The following DNAAF4 variants were observed in gnomAD, a reference collection of about 807,000 sequenced individuals.
The protein encoded by DNAAF4 is dynein assembly factor 4, axonemal.
In DNAAF4, 43 loss-of-function variants were observed where a neutral mutation model predicts 51.8. The ratio of observed to expected loss-of-function variants is 0.83; its 90% CI spans 0.65 to 1.07. DNAAF4 has a LOEUF of 1.07. DNAAF4 is among the 50% of genes least tolerant of loss of function. The probability of loss-of-function intolerance (pLI) is 0.00; values close to 1 mark genes in which losing one functional copy is unlikely to be tolerated. For missense variants in DNAAF4, 581 were observed against 493.0 expected (o/e 1.18, Z -1.69); for synonymous variants, 194 against 165.6 (o/e 1.17, Z -1.32).
At chr15:55,473,277 A>G (rs1256525777) in intron 4 of DNAAF4, among the ~76,000 whole-genome samples, 7 of 140,012 alleles carry the variant, frequency 5.0e-5, no homozygotes, top group African/African-American at 1.9e-4. Context: ...ATATGTGTAT[A>G]TATATGTGTA....
Position 55,434,886 on chromosome 15 carries a change from C to A in DNAAF4, c.1047+19G>T. ...AGGATATATTTAAAGCACCATATAT[C>A]ATACATAGATATCCATACCTTAGAA... On this transcript the variant is annotated intron_variant, in intron 8 of 9. Coordinates refer to ENST00000321149, the MANE Select transcript of DNAAF4 (RefSeq NM_130810.4). The A allele has an allele frequency of 6.3e-7, 1 of 1,582,926 alleles. No individual in the cohort carries two copies. Among genetic ancestry groups the A allele is most frequent in the South Asian group, 1.2e-5 (1 of 85,540 alleles).
At chr15:55,422,312 G>C (rs969509668) in intron 7 of DNAAF4, among the ~76,000 whole-genome samples, 1 of 152,144 alleles carries the variant, frequency 6.6e-6, no homozygotes, top group African/African-American at 2.4e-5. Context: ...AACATCTGAG[G>C]AAAGTCAAGT....
rs1322589012 is a variant in DNAAF4, at chr15:55,473,317, ATGTG to A, written c.406-6160_406-6157del. On this transcript the variant is annotated intron_variant, in intron 4 of 9. Transcript: ENST00000321149. ...TATGTGTATATATATGTGTGTATAT[ATGTG>A]TGTATATATATGTGTGTATATATAT... is the stretch of plus-strand genomic sequence containing the variant. Among the ~76,000 whole-genome samples the A allele has an allele frequency of 9.7e-3, 1,356 of 140,200 alleles. 24 individuals are homozygous for A. The highest frequency in any genetic ancestry group is 0.013 in the South Asian group (60 of 4,480). The allele number at this position is 140,200 out of a possible 152,430, so 92.0% of individuals were successfully genotyped here.
intron 4 of DNAAF4, among the ~76,000 whole-genome samples, chr15:55,486,904 C>G (rs2058497507): frequency 6.6e-6 from 1 of 152,116 alleles, no homozygotes; most frequent in Non-Finnish European, 1.5e-5. Context: ...TACTGGCTTC[C>G]TTCCTCAACA....
intron 7 of DNAAF4, among the ~76,000 whole-genome samples, chr15:55,419,868 G>A (rs778185742): frequency 3.0e-4 from 45 of 152,148 alleles, no homozygotes; most frequent in Non-Finnish European, 5.6e-4. Context: ...TGGGCATGGC[G>A]GCGGGTGCCT....
At chr15:55,441,104 C>T (rs1459412123) in intron 6 of DNAAF4, among the ~76,000 whole-genome samples, 1 of 151,976 alleles carries the variant, frequency 6.6e-6, no homozygotes, top group Non-Finnish European at 1.5e-5. Flanking sequence ...GACAGTCGCA[C>T]TCTGTCCCCC....
In DNAAF4 at chr15:55,473,198, A is replaced by AAATAT. The variant is rs1209754897; in HGVS notation, c.406-6038_406-6037insATATT. Among the ~76,000 whole-genome samples the AAATAT allele has an allele frequency of 3.2e-4, 24 of 75,742 alleles. 2 individuals are homozygous for AAATAT. The highest frequency in any genetic ancestry group is 1.1e-3 in the African/African-American group (21 of 18,678). The allele number at this position is 75,742 out of a possible 152,430, so 49.7% of individuals were successfully genotyped here. A position where few individuals can be genotyped will look rare whatever the true frequency, so the allele number is the denominator to read the frequency against. ...ACAAAAAAAAAACCTAAAAAAAAAA[A>AAATAT]ATATATATATATATATATATATATG... On this transcript the variant is annotated intron_variant, in intron 4 of 9. Coordinates refer to ENST00000321149, the MANE Select transcript of DNAAF4 (RefSeq NM_130810.4).
Position 55,430,320 on chromosome 15 carries a change from C to T in DNAAF4, c.*350G>A. 1.1e-6 allele frequency: 1 copy of T among 877,128 alleles called. No individual in the cohort carries two copies. Among genetic ancestry groups the T allele is most frequent in the Non-Finnish European group, 1.4e-6 (1 of 731,002 alleles). 54.3% of individuals were successfully genotyped at this position (877,128 alleles called of 1,614,324 possible). A position where few individuals can be genotyped will look rare whatever the true frequency, so the allele number is the denominator to read the frequency against. On this transcript the variant is annotated 3_prime_UTR_variant, in exon 10 of 10. Transcript: ENST00000321149. ...ATACAAACAAAAGTTATTTATAAAT[C>T]TTTTATTTTAAAATTCTACCTTGTT...
chr15:55,434,102 A>G (rs2057570436), intron 8 of DNAAF4, among the ~76,000 whole-genome samples: 1 of 133,202 alleles, frequency 7.5e-6, no homozygotes, highest in Non-Finnish European at 1.5e-5. Context: ...GAACAACTTA[A>G]GGAATTTTTC....
At chr15:55,505,649 A>G (rs1324750779) in intron 1 of DNAAF4, among the ~76,000 whole-genome samples, 6 of 152,208 alleles carry the variant, frequency 3.9e-5, no homozygotes, top group Admixed American at 3.9e-4. Flanking sequence ...CATCACTCTC[A>G]GCAAAATAGC....
intron 4 of DNAAF4, among the ~76,000 whole-genome samples, chr15:55,487,568 C>T (rs756422003): frequency 4.6e-5 from 7 of 152,130 alleles, no homozygotes; most frequent in Non-Finnish European, 8.8e-5. Flanking sequence ...GCTCACTCTT[C>T]GGGTCCGCGC....
intron 4 of DNAAF4, among the ~76,000 whole-genome samples, chr15:55,490,034 C>A (rs774812519): frequency 6.6e-6 from 1 of 151,822 alleles, no homozygotes; most frequent in African/African-American, 2.4e-5. Context: ...CCACCACGCG[C>A]GGCTGATTTT....
chr15:55,450,054 T>C (rs1175831963), intron 6 of DNAAF4, among the ~76,000 whole-genome samples, 168 bp downstream of exon 6: 1 of 152,166 alleles, frequency 6.6e-6, no homozygotes, highest in African/African-American at 2.4e-5. Context: ...GCCAAAAACA[T>C]CTGCAAAATA....
chr15:55,448,727 G>A (rs1169445919), intron 6 of DNAAF4, among the ~76,000 whole-genome samples: 2 of 151,372 alleles, frequency 1.3e-5, no homozygotes, highest in African/African-American at 4.8e-5. Context: ...AAAATTAGCT[G>A]GGCGTGGCGG....
intron 5 of DNAAF4, among the ~76,000 whole-genome samples, chr15:55,451,057 A>C (rs866246652): frequency 1.3e-5 from 2 of 152,126 alleles, no homozygotes; most frequent in African/African-American, 4.8e-5. Flanking sequence ...AGATCGTGCC[A>C]TACACTCCAG....
chr15:55,492,783 C>T (rs1439841441), intron 3 of DNAAF4, among the ~76,000 whole-genome samples: 4 of 152,142 alleles, frequency 2.6e-5, no homozygotes, highest in Middle Eastern at 3.2e-3. Flanking sequence ...TGTGATCCGC[C>T]TGCCTTGGCC....
At chr15:55,504,897 C>A (rs143878854) in intron 1 of DNAAF4, among the ~76,000 whole-genome samples, 6,076 of 152,156 alleles carry the variant, frequency 0.04, 397 homozygotes, top group African/African-American at 0.14. Context: ...AAAGCAATGG[C>A]AACAAAAGCC....
At chr15:55,484,945 G>A (rs994354000) in intron 4 of DNAAF4, among the ~76,000 whole-genome samples, 1 of 152,116 alleles carries the variant, frequency 6.6e-6, no homozygotes, top group Admixed American at 6.6e-5. Flanking sequence ...CCAGCCCACT[G>A]ACTCAAATGT....
chr15:55,433,114 A>G (rs1436791757), intron 8 of DNAAF4, among the ~76,000 whole-genome samples: 2 of 152,188 alleles, frequency 1.3e-5, no homozygotes, highest in Non-Finnish European at 2.9e-5. Flanking sequence ...AGCCTGGCCA[A>G]CATGGCAAAA....
Sources: gnomAD v4.1 joint callset for allele counts (sites outside exome capture counted in the v4.1 genomes callset) on GRCh38, gnomAD v4.1.1 for gene constraint, MANE v1.5 for transcripts, NCBI Gene and HGNC (gene_info 2026-07-23, HGNC 2026-07-21) for gene names.